The following NTNG2 variants were observed in gnomAD, a reference collection of about 807,000 sequenced individuals.
NTNG2 encodes netrin-G2.
NTNG2 carries 15 observed loss-of-function variants against 47.6 expected under a neutral mutation model. That is an observed-to-expected ratio of 0.32 (90% CI 0.21 to 0.49). The LOEUF (loss-of-function observed/expected upper bound fraction) is 0.49. NTNG2 is among the 20% of genes least tolerant of loss of function. NTNG2 has a pLI of 0.99. For missense variants in NTNG2, 578 were observed against 764.6 expected, an observed-to-expected ratio of 0.76 and a Z score of 2.88; for synonymous variants, 307 against 324.6, an observed-to-expected ratio of 0.95 and a Z score of 0.58.
rs1258558400 is a variant in NTNG2, at chr9:132,215,436, C to T, written c.858-11413C>T. ...TCTCTACTAAAATACTAAAATTAGC[C>T]GGGTGTGGTGGCGGGCGCCTGTAAT... On this transcript the variant is annotated intron_variant, in intron 3 of 7. Transcript: ENST00000393229. This position sits in a 1 kb window ranked among gnomAD's most constrained non-coding sequence, Gnocchi z 4.2. Among the ~76,000 whole-genome samples the T allele has an allele frequency of 3.3e-5, 5 of 152,148 alleles. 1 individual carries two copies. The highest frequency in any genetic ancestry group is 9.6e-5 in the African/African-American group (4 of 41,504).
intron 3 of NTNG2, among the ~76,000 whole-genome samples, chr9:132,220,224 G>T (rs1304047959): frequency 6.6e-6 from 1 of 152,154 alleles, no homozygotes; most frequent in Admixed American, 6.5e-5. Context: ...GTGTTCATTA[G>T]ATGTTCTAGA....
At chr9:132,222,985 G>A (rs184024255) in intron 3 of NTNG2, among the ~76,000 whole-genome samples, 254 of 152,216 alleles carry the variant, frequency 1.7e-3, no homozygotes, top group African/African-American at 5.8e-3. Flanking sequence ...ATGGTGGCAC[G>A]CGACTGTGGT....
At chr9:132,184,424 C>G (rs1219499435) in intron 2 of NTNG2, among the ~76,000 whole-genome samples, 1 of 152,230 alleles carries the variant, frequency 6.6e-6, no homozygotes, top group African/African-American at 2.4e-5. Flanking sequence ...CCGTCATTAA[C>G]CGAAGAAGCC....
In NTNG2 at chr9:132,165,881, C is replaced by T. The variant is rs142580225; in HGVS notation, c.-483-468C>T. Reference sequence around the variant, plus strand: ...ATTAATAAAAATAACCCAGTTTTCTCGGGAGACTTTGCTAATGCAGCCTCA... The same window carrying T: ...ATTAATAAAAATAACCCAGTTTTCTTGGGAGACTTTGCTAATGCAGCCTCA... On this transcript the variant is annotated intron_variant, in intron 1 of 7. Transcript: ENST00000393229. The T allele has an allele frequency of 4.6e-5, 7 of 152,354 alleles. No homozygotes were observed. The East Asian group carries it at 9.6e-4, about 21-fold the overall frequency. The allele number at this position is 152,354 out of a possible 1,614,324, so 9.4% of individuals were successfully genotyped here.
chr9:132,175,166 C>G (rs1836329861), intron 2 of NTNG2, among the ~76,000 whole-genome samples: 1 of 152,168 alleles, frequency 6.6e-6, no homozygotes, highest in South Asian at 2.1e-4. Context: ...AGAGAGGAGA[C>G]AGTCCACTCC....
rs888005586 is a variant in NTNG2, at chr9:132,197,583, G to A, written c.214-383G>A. Among the ~76,000 whole-genome samples the A allele has an allele frequency of 8.6e-5, 13 of 151,792 alleles. No homozygotes were observed. The highest frequency in any genetic ancestry group is 1.9e-4 in the East Asian group (1 of 5,152). On this transcript the variant is annotated intron_variant, in intron 2 of 7. Coordinates refer to ENST00000393229, the MANE Select transcript of NTNG2 (RefSeq NM_032536.4). The surrounding 1 kb of genome is among the most constrained non-coding windows in gnomAD (Gnocchi z 4.3). The stretch of plus-strand genomic sequence containing the variant: ...GCAGGGGCAGGAGGACAGCTGTCCC[G>A]GGGAGGCCCAGGCACACTGTCACCA...
At chr9:132,240,130 C>T (rs931316572) in intron 6 of NTNG2, among the ~76,000 whole-genome samples, 2 of 152,268 alleles carry the variant, frequency 1.3e-5, no homozygotes, top group African/African-American at 4.8e-5. Flanking sequence ...ACACCATCAC[C>T]CATCCCCCAC....
At chr9:132,220,472 T>C (rs1420173130) in intron 3 of NTNG2, among the ~76,000 whole-genome samples, 1 of 151,276 alleles carries the variant, frequency 6.6e-6, no homozygotes, top group Non-Finnish European at 1.5e-5. Flanking sequence ...TTTTTTTTTT[T>C]TTTTTTGAGA....
At position 132,231,606 on chromosome 9, in the gene NTNG2, C is replaced by G; in HGVS notation, c.1054+1011C>G. The G allele has an allele frequency of 3.3e-6, 1 of 298,790 alleles. No individual in the cohort carries two copies. The highest frequency in any genetic ancestry group is 6.6e-6 in the Non-Finnish European group (1 of 151,750). The allele number at this position is 298,790 out of a possible 1,614,324, so 18.5% of individuals were successfully genotyped here. A position where few individuals can be genotyped will look rare whatever the true frequency, so the allele number is the denominator to read the frequency against. ...TCTGTGGTGTCCCCACCCCGGCAAC[C>G]CCCCAACCCTCTCTTGCTTTTCCCA... is the stretch of plus-strand genomic sequence containing the variant. On this transcript the variant is annotated intron_variant, in intron 5 of 7. Coordinates refer to ENST00000393229, the MANE Select transcript of NTNG2 (RefSeq NM_032536.4). This position sits in a 1 kb window ranked among gnomAD's most constrained non-coding sequence, Gnocchi z 4.1.
chr9:132,189,094 T>TTTTTTTTTTTTTTTTG (rs1204845571), intron 2 of NTNG2, among the ~76,000 whole-genome samples: 2 of 139,528 alleles, frequency 1.4e-5, no homozygotes, highest in East Asian at 2.2e-4. Context: ...TTTTTTTTTT[T>TTTTTTTTTTTTTTTTG]TAGACAGGGT....
chr9:132,176,302 G>A (rs569268385), intron 2 of NTNG2, among the ~76,000 whole-genome samples: 84 of 152,194 alleles, frequency 5.5e-4, no homozygotes, highest in African/African-American at 1.9e-3. Context: ...GTCCCAACAC[G>A]TTTCCATCGC....
Position 132,242,185 on chromosome 9 carries a change from G to C in NTNG2, c.*74G>C, listed in dbSNP as rs1191836700. On this transcript the variant is annotated 3_prime_UTR_variant, in exon 8 of 8. Coordinates refer to ENST00000393229, the MANE Select transcript of NTNG2 (RefSeq NM_032536.4). This position sits in a 1 kb window ranked among gnomAD's most constrained non-coding sequence, Gnocchi z 5.9. ...GTCCCGGGGCGGGGCCGGCGTCCGA[G>C]GCCGGGCGGTGAGAAGGGTGCGGCC... is the stretch of plus-strand genomic sequence containing the variant. The C allele has an allele frequency of 5.4e-6, 4 of 737,322 alleles. No individual in the cohort carries two copies. The South Asian group carries it at 1.9e-4, about 35-fold the overall frequency. 45.7% of individuals were successfully genotyped at this position (737,322 alleles called of 1,614,324 possible). A position where few individuals can be genotyped will look rare whatever the true frequency, so the allele number is the denominator to read the frequency against.
At chr9:132,190,473 G>A (rs1162962001) in intron 2 of NTNG2, among the ~76,000 whole-genome samples, 1 of 152,066 alleles carries the variant, frequency 6.6e-6, no homozygotes, top group South Asian at 2.1e-4. Context: ...GCTGCATGAC[G>A]TTGTCTGTTC....
At chr9:132,179,632 T>C (rs771130953) in intron 2 of NTNG2, among the ~76,000 whole-genome samples, 3 of 152,208 alleles carry the variant, frequency 2.0e-5, no homozygotes, top group African/African-American at 4.8e-5. Flanking sequence ...CGTAGTGCCA[T>C]GCACCGGTGG....
intron 2 of NTNG2, among the ~76,000 whole-genome samples, chr9:132,188,749 C>T (rs1160594004): frequency 1.3e-5 from 2 of 152,204 alleles, no homozygotes; most frequent in Non-Finnish European, 2.9e-5. Flanking sequence ...CATGGTGCAC[C>T]TGGCATCATT....
intron 3 of NTNG2, among the ~76,000 whole-genome samples, chr9:132,209,226 G>A (rs1839400478): frequency 6.6e-6 from 1 of 152,252 alleles, no homozygotes; most frequent in African/African-American, 2.4e-5. Flanking sequence ...GTCGTCTGGT[G>A]AGCGTGTTTA....
chr9:132,202,632 G>T (rs920718389), intron 3 of NTNG2, among the ~76,000 whole-genome samples: 1 of 152,234 alleles, frequency 6.6e-6, no homozygotes, highest in Non-Finnish European at 1.5e-5. Context: ...CTGGATTTGA[G>T]GAGGAATGAG....
At chr9:132,227,975 T>C (rs1387521134) in intron 4 of NTNG2, among the ~76,000 whole-genome samples, 2 of 152,192 alleles carry the variant, frequency 1.3e-5, no homozygotes, top group Non-Finnish European at 2.9e-5. Flanking sequence ...TGCATCTCGC[T>C]TCACCCTCAC....
intron 3 of NTNG2, among the ~76,000 whole-genome samples, chr9:132,212,640 A>G (rs545520090): frequency 9.5e-4 from 144 of 151,788 alleles, no homozygotes; most frequent in Middle Eastern, 6.8e-3. Flanking sequence ...CTTTCTCAGG[A>G]TCTCAGGTTT....
Sources: gnomAD v4.1 joint callset for allele counts (sites outside exome capture counted in the v4.1 genomes callset) on GRCh38, gnomAD v4.1.1 for gene constraint, Gnocchi (gnomAD v3.1) non-coding constraint, MANE v1.5 for transcripts, NCBI Gene and HGNC (gene_info 2026-07-23, HGNC 2026-07-21) for gene names.